Variants in NUMB observed in about 807,000 individuals in gnomAD.
NUMB encodes NUMB endocytic adaptor protein, also known as protein numb homolog.
NUMB carries 29 observed loss-of-function variants against 59.7 expected under a neutral mutation model. The ratio of observed to expected loss-of-function variants is 0.49; its 90% CI spans 0.36 to 0.66. The LOEUF (loss-of-function observed/expected upper bound fraction) is 0.66, where lower values mean the gene tolerates loss of function less well. NUMB is among the 30% of genes least tolerant of loss of function. NUMB has a pLI of 0.00. For synonymous variants in NUMB, 288 were observed against 288.2 expected (o/e 1.00, Z 0.01); for missense variants, 723 against 822.0 (o/e 0.88, Z 1.47).
intron 4 of NUMB, among the ~76,000 whole-genome samples, chr14:73,328,915 G>A (rs1891805287): frequency 6.6e-6 from 1 of 152,134 alleles, no homozygotes; most frequent in Admixed American, 6.6e-5. Context: ...CGCCCAGGCT[G>A]GGGTGTGCAA....
intron 5 of NUMB, among the ~76,000 whole-genome samples, chr14:73,321,582 T>TAA (rs1268834838): frequency 6.6e-6 from 1 of 152,224 alleles, no homozygotes; most frequent in Admixed American, 6.6e-5. Context: ...ACTTCTCTTT[T>TAA]AAATTTGGTT....
At chr14:73,316,291 T>C (rs2139903155) in intron 6 of NUMB, 99 bp downstream of exon 6, 1 of 992,862 alleles carries the variant, frequency 1.0e-6, no homozygotes. Flanking sequence ...TCCTGCATTA[T>C]AAAGAAACCA....
chr14:73,388,092 G>C (rs1275412481), intron 2 of NUMB, among the ~76,000 whole-genome samples: 1 of 151,850 alleles, frequency 6.6e-6, no homozygotes, highest in Non-Finnish European at 1.5e-5. Context: ...GACCAAGTGA[G>C]ACCCTGTCTC....
chr14:73,415,872 G>A (rs1050054890), intron 1 of NUMB, among the ~76,000 whole-genome samples: 8 of 152,062 alleles, frequency 5.3e-5, no homozygotes, highest in Non-Finnish European at 7.4e-5. Context: ...ATTAGAGCAG[G>A]CTATGTTTTA....
intron 4 of NUMB, among the ~76,000 whole-genome samples, chr14:73,349,881 GA>G (rs1342112832): frequency 6.7e-6 from 1 of 148,512 alleles, no homozygotes; most frequent in Non-Finnish European, 1.5e-5. Context: ...TCCGTCTCAA[GA>G]AAAAAAACAA....
At chr14:73,413,334 C>G (rs1896977945) in intron 1 of NUMB, among the ~76,000 whole-genome samples, 1 of 151,284 alleles carries the variant, frequency 6.6e-6, no homozygotes. Context: ...ATCCACCCGC[C>G]TCGGCCTTCC....
At chr14:73,290,584 C>T (rs1026124348) in intron 8 of NUMB, among the ~76,000 whole-genome samples, 2 of 152,240 alleles carry the variant, frequency 1.3e-5, no homozygotes, top group Admixed American at 1.3e-4. Flanking sequence ...ACCATGGCCA[C>T]TACTTATCTT....
chr14:73,381,371 G>A (rs1427453341), intron 2 of NUMB, among the ~76,000 whole-genome samples: 1 of 152,010 alleles, frequency 6.6e-6, no homozygotes, highest in Non-Finnish European at 1.5e-5. Context: ...AAAAAAAAAG[G>A]TAAGAAAATC....
intron 2 of NUMB, among the ~76,000 whole-genome samples, chr14:73,405,877 G>C (rs1566783083): frequency 6.6e-6 from 1 of 152,028 alleles, no homozygotes; most frequent in Admixed American, 6.6e-5. Flanking sequence ...GTGTAGGTAT[G>C]CATCTGATAC....
rs1896831872 is a variant in NUMB at position 73,409,955 on chromosome 14, C to T, written c.-119G>A. ...CACTTACTTGTCCTAAGTGAGGCGT[C>T]TGAGGATTGCTGGCCCACCAATATT... On this transcript the variant is annotated 5_prime_UTR_variant, in exon 2 of 13. Transcript: ENST00000555238. 2 of 152,226 alleles carry T rather than the reference C, an allele frequency of 1.3e-5. No homozygotes were observed. Among genetic ancestry groups the T allele is most frequent in the Admixed American group, 1.3e-4 (2 of 15,284 alleles). 9.4% of individuals were successfully genotyped at this position (152,226 alleles called of 1,614,324 possible).
chr14:73,373,704 CCTT>C (rs1304646805), intron 2 of NUMB, among the ~76,000 whole-genome samples: 2 of 138,238 alleles, frequency 1.4e-5, no homozygotes, highest in African/African-American at 5.4e-5. Flanking sequence ...AGGAAAGCTT[CCTT>C]TTTTTTTTTT....
At chr14:73,370,887 T>C (rs781337978) in intron 2 of NUMB, among the ~76,000 whole-genome samples, 7 of 152,250 alleles carry the variant, frequency 4.6e-5, no homozygotes, top group Non-Finnish European at 1.0e-4. Context: ...TTTAACTTTA[T>C]ATAATTTCAA....
At position 73,384,815 on chromosome 14, in the gene NUMB, T is replaced by C. The variant is rs141385303; in HGVS notation, c.-100-17834A>G. Among the ~76,000 whole-genome samples the C allele has an allele frequency of 6.7e-3, 1,020 of 151,784 alleles. 9 individuals are homozygous for C. Among genetic ancestry groups the C allele is most frequent in the Non-Finnish European group, 0.01 (683 of 67,940 alleles). ...CTGGTCTTGAACTCTGGAGCTCAAGTGATCCTCCTGCCTCGGCCTCCCAAA... is the reference window on the plus strand; with the variant it reads ...CTGGTCTTGAACTCTGGAGCTCAAGCGATCCTCCTGCCTCGGCCTCCCAAA... On this transcript the variant is annotated intron_variant, in intron 2 of 12. Coordinates refer to ENST00000555238, the MANE Select transcript of NUMB (RefSeq NM_001005743.2).
chr14:73,291,241 C>T (rs1408627526), intron 8 of NUMB, among the ~76,000 whole-genome samples: 3 of 151,600 alleles, frequency 2.0e-5, no homozygotes, highest in Non-Finnish European at 2.9e-5. Context: ...CCACCACAGC[C>T]GGCTAATTTT....
At chr14:73,291,627 C>G (rs892900078) in intron 8 of NUMB, among the ~76,000 whole-genome samples, 3 of 152,098 alleles carry the variant, frequency 2.0e-5, no homozygotes, top group African/African-American at 7.2e-5. Flanking sequence ...ATCTGCCTAC[C>G]TCGGCCTCCC....
chr14:73,346,899 C>G (rs1416765845), intron 4 of NUMB, among the ~76,000 whole-genome samples: 1 of 152,172 alleles, frequency 6.6e-6, no homozygotes, highest in African/African-American at 2.4e-5. Context: ...TAAAACTAAT[C>G]CGTTCTCTAC....
chr14:73,424,458 T>C (rs1897496004), intron 1 of NUMB, among the ~76,000 whole-genome samples: 1 of 152,202 alleles, frequency 6.6e-6, no homozygotes, highest in South Asian at 2.1e-4. Flanking sequence ...ACTAAAGTGC[T>C]TCTAATGAAG....
chr14:73,375,074 TA>T (rs539038435), intron 2 of NUMB, among the ~76,000 whole-genome samples: 9 of 152,198 alleles, frequency 5.9e-5, no homozygotes, highest in Non-Finnish European at 1.3e-4. Context: ...CAAGAGATTA[TA>T]AATGACTTGT....
At chr14:73,288,596 ATG>A (rs1889175002) in intron 8 of NUMB, among the ~76,000 whole-genome samples, 1 of 150,142 alleles carries the variant, frequency 6.7e-6, no homozygotes, top group Non-Finnish European at 1.5e-5. Flanking sequence ...ACAGTGGCTC[ATG>A]CCTATAATCC....
Sources: gnomAD v4.1 joint callset for allele counts (sites outside exome capture counted in the v4.1 genomes callset) on GRCh38, gnomAD v4.1.1 for gene constraint, MANE v1.5 for transcripts, NCBI Gene and HGNC (gene_info 2026-07-23, HGNC 2026-07-21) for gene names.